SLC14A2: variants seen among roughly 807,000 people sequenced by gnomAD.
SLC14A2 encodes urea transporter 2.
A neutral mutation model predicts 104.6 loss-of-function variants in SLC14A2; 91 were observed. The observed-to-expected ratio is 0.87, with a 90% CI of 0.73 to 1.04. The LOEUF (loss-of-function observed/expected upper bound fraction) is 1.04, where lower values mean the gene tolerates loss of function less well. Among genes scored for constraint, SLC14A2 ranks in the 50% least tolerant of loss-of-function variants. The probability of loss-of-function intolerance (pLI) is 0.00; values close to 1 mark genes in which losing one functional copy is unlikely to be tolerated. For synonymous variants in SLC14A2, 476 were observed against 466.4 expected, an observed-to-expected ratio of 1.02 and a Z score of -0.27; for missense variants, 1,189 against 1,156.0, an observed-to-expected ratio of 1.03 and a Z score of -0.41.
chr18:45,187,218 T>A, the SLC14A2 span, among the ~76,000 whole-genome samples: 1 of 152,144 alleles, frequency 6.6e-6, no homozygotes, highest in Non-Finnish European at 1.5e-5. Flanking sequence ...TATGGATCAA[T>A]CAGGGAGAAC....
chr18:45,232,372 A>T (rs1332580184), intron 1 of SLC14A2, among the ~76,000 whole-genome samples: 1 of 152,182 alleles, frequency 6.6e-6, no homozygotes, highest in Non-Finnish European at 1.5e-5. Context: ...ATGAAGAGGA[A>T]GTCCATCCCC....
chr18:45,606,532 C>T (rs1291281145), intron 2 of SLC14A2, among the ~76,000 whole-genome samples: 1 of 152,112 alleles, frequency 6.6e-6, no homozygotes, highest in Non-Finnish European at 1.5e-5. Context: ...TTCTAGGAAT[C>T]AGTCAGCCAC....
chr18:45,466,281 A>C (rs2087140423), intron 1 of SLC14A2, among the ~76,000 whole-genome samples: 1 of 151,908 alleles, frequency 6.6e-6, no homozygotes. Flanking sequence ...GGTAGAAAAG[A>C]AGGGGGTAGA....
At chr18:45,285,871 A>C (rs1210881443) in intron 1 of SLC14A2, among the ~76,000 whole-genome samples, 1 of 152,156 alleles carries the variant, frequency 6.6e-6, no homozygotes. Context: ...TCCTCAGAAC[A>C]GTGGTTCTCA....
chr18:45,544,781 AAT>A (rs2043944819), intron 2 of SLC14A2, among the ~76,000 whole-genome samples: 1 of 148,150 alleles, frequency 6.7e-6, no homozygotes. Flanking sequence ...ATTTATCAAT[AAT>A]GTCTTTTTTT....
At chr18:45,640,756 A>C (rs1233596120) in intron 7 of SLC14A2, among the ~76,000 whole-genome samples, 1 of 152,254 alleles carries the variant, frequency 6.6e-6, no homozygotes, top group Non-Finnish European at 1.5e-5. Context: ...AGATGTACCC[A>C]CTGTTCACAT....
intron 1 of SLC14A2, among the ~76,000 whole-genome samples, chr18:45,327,821 T>C (rs948552011): frequency 2.6e-5 from 4 of 152,164 alleles, no homozygotes; most frequent in African/African-American, 9.7e-5. Flanking sequence ...TATATTTACC[T>C]AAATTATAGG....
Position 45,639,886 on chromosome 18 carries a change from G to T in SLC14A2, c.984G>T (p.Leu328=), listed in dbSNP as rs149305191. The T allele has an allele frequency of 6.3e-4, 1,021 of 1,613,020 alleles. 1 individual carries two copies. The highest frequency in any genetic ancestry group is 8.3e-4 in the Non-Finnish European group (982 of 1,179,832). The change falls in exon 7 of 20, where the codon CTG becomes CTT. Residue 328 remains leucine, a synonymous_variant. Coordinates refer to ENST00000255226, the MANE Select transcript of SLC14A2 (RefSeq NM_007163.4). ...LHAAIGSIVG[L]LAALSVATPF... ...CAGCCATTGGCTCAATCGTGGGGCT[G>T]CTAGCAGGTAGGACAGAGCTCCCTC...
At chr18:45,336,752 T>TTCATCCA (rs2085341742) in intron 1 of SLC14A2, among the ~76,000 whole-genome samples, 2 of 152,288 alleles carry the variant, frequency 1.3e-5, no homozygotes, top group South Asian at 4.1e-4. Flanking sequence ...GGCTCCTAGT[T>TTCATCCA]TCATCCATCA....
chr18:45,527,732 A>T (rs535197520), intron 2 of SLC14A2: 1 of 152,334 alleles, frequency 6.6e-6, no homozygotes, highest in Admixed American at 6.5e-5. Context: ...TATCTAAGTC[A>T]TAGAATTGTG....
intron 1 of SLC14A2, among the ~76,000 whole-genome samples, chr18:45,275,570 G>A (rs147768670): frequency 2.0e-5 from 3 of 152,258 alleles, no homozygotes; most frequent in African/African-American, 7.2e-5. Context: ...GGGGATGAAG[G>A]TACCCATATG....
chr18:45,532,484 A>G (rs2043709514), intron 2 of SLC14A2, among the ~76,000 whole-genome samples: 1 of 136,468 alleles, frequency 7.3e-6, no homozygotes, highest in African/African-American at 3.4e-5. Flanking sequence ...GAGTTCACTC[A>G]TGATTTGGCT....
intron 1 of SLC14A2, among the ~76,000 whole-genome samples, chr18:45,251,501 C>G (rs936795816): frequency 6.6e-6 from 1 of 152,118 alleles, no homozygotes. Context: ...CTAGGATTGT[C>G]ATAACAAAAA....
At chr18:45,673,938 A>C in intron 18 of SLC14A2, 121 bp downstream of exon 18, 1 of 1,021,560 alleles carries the variant, frequency 9.8e-7, no homozygotes, top group East Asian at 2.6e-5. Context: ...TTCACTGAAT[A>C]CTCAACGTTC....
At chr18:45,588,343 T>G (rs1194143346) in intron 2 of SLC14A2, among the ~76,000 whole-genome samples, 1 of 152,196 alleles carries the variant, frequency 6.6e-6, no homozygotes, top group African/African-American at 2.4e-5. Context: ...TGAAGTCTCC[T>G]TCAGGCCTGA....
Position 45,314,692 on chromosome 18 carries a change from A to T in SLC14A2, c.-125+101501A>T, listed in dbSNP as rs368633086. On this transcript the variant is annotated intron_variant, in intron 1 of 20. Coordinates refer to the SLC14A2 transcript ENST00000586448. Reference sequence around the variant, plus strand: ...TTGCAGAGAATAGGCACATTTTTTGATGTACTAGGTGAGGCTGTGTAACCT... The same window carrying T: ...TTGCAGAGAATAGGCACATTTTTTGTTGTACTAGGTGAGGCTGTGTAACCT... 3.9e-5 allele frequency among the ~76,000 whole-genome samples: 6 copies of T among 152,276 alleles called. No individual in the cohort carries two copies. In the East Asian group the frequency reaches 9.7e-4, roughly 25 times the overall value.
At chr18:45,506,011 A>C (rs1195591620) in intron 2 of SLC14A2, among the ~76,000 whole-genome samples, 1 of 152,158 alleles carries the variant, frequency 6.6e-6, no homozygotes, top group African/African-American at 2.4e-5. Flanking sequence ...GTTCTGAGGG[A>C]GGGAGGCTCA....
chr18:45,635,014 G>C, intron 5 of SLC14A2: 1 of 321,180 alleles, frequency 3.1e-6, no homozygotes, highest in South Asian at 2.5e-5. Flanking sequence ...TTGTTGGGAG[G>C]TTGTGGAAAA....
At chr18:45,327,077 A>C (rs1380532307) in intron 1 of SLC14A2, among the ~76,000 whole-genome samples, 1 of 152,044 alleles carries the variant, frequency 6.6e-6, no homozygotes, top group Non-Finnish European at 1.5e-5. Flanking sequence ...TAGCTTTCTC[A>C]TTAGGAAATT....
Sources: allele counts gnomAD v4.1 joint callset (sites outside exome capture counted in the v4.1 genomes callset), GRCh38; gene constraint gnomAD v4.1.1; transcripts MANE v1.5; gene names NCBI Gene and HGNC (gene_info 2026-07-23, HGNC 2026-07-21).